The following CPA6 variants were observed in gnomAD, a reference collection of about 807,000 sequenced individuals.
The protein encoded by CPA6 is carboxypeptidase B.
A neutral mutation model predicts 63.3 loss-of-function variants in CPA6; 58 were observed. The observed-to-expected ratio is 0.92, with a 90% confidence interval of 0.74 to 1.14. CPA6 has a LOEUF of 1.14. CPA6 is among the 50% of genes most tolerant of loss of function. The probability of loss-of-function intolerance (pLI) is 0.00; values close to 1 mark genes in which losing one functional copy is unlikely to be tolerated. For synonymous variants in CPA6, 185 were observed against 179.0 expected (o/e 1.03, Z -0.27); for missense variants, 565 against 526.6 (o/e 1.07, Z -0.71).
At chr8:67,554,388 A>T (rs1813014025) in intron 2 of CPA6, among the ~76,000 whole-genome samples, 1 of 152,192 alleles carries the variant, frequency 6.6e-6, no homozygotes, top group African/African-American at 2.4e-5. Flanking sequence ...ACCAGGTTTC[A>T]TGAGAAGTCA....
chr8:67,731,942 A>G (rs542161837), intron 1 of CPA6, among the ~76,000 whole-genome samples: 1 of 152,288 alleles, frequency 6.6e-6, no homozygotes, highest in East Asian at 1.9e-4. Flanking sequence ...TAGAGGATAA[A>G]GCAGCAATGA....
intron 6 of CPA6, among the ~76,000 whole-genome samples, chr8:67,503,723 C>G (rs966560798): frequency 5.3e-5 from 8 of 151,914 alleles, no homozygotes; most frequent in Non-Finnish European, 2.9e-5. Flanking sequence ...TCTGTTAAGT[C>G]TTTTGCATGC....
At chr8:67,471,976 A>G (rs534470104) in intron 8 of CPA6, among the ~76,000 whole-genome samples, 1 of 152,342 alleles carries the variant, frequency 6.6e-6, no homozygotes, top group Non-Finnish European at 1.5e-5. Flanking sequence ...AAAAAATAGC[A>G]TGACTTCTCA....
intron 2 of CPA6, among the ~76,000 whole-genome samples, chr8:67,554,420 C>T (rs1342523393): frequency 7.9e-5 from 12 of 152,100 alleles, no homozygotes; most frequent in Non-Finnish European, 5.9e-5. Flanking sequence ...GAGGGCAGCA[C>T]CAAGAGGAAA....
chr8:67,483,666 A>G (rs1030094436), intron 8 of CPA6, 102 bp downstream of exon 8: 1 of 933,842 alleles, frequency 1.1e-6, no homozygotes, highest in Non-Finnish European at 1.8e-6. Context: ...TTTCACATAC[A>G]GAAAAACATG....
At chr8:67,662,383 A>G (rs1007775869) in intron 1 of CPA6, among the ~76,000 whole-genome samples, 1 of 118,436 alleles carries the variant, frequency 8.4e-6, no homozygotes, top group African/African-American at 4.0e-5. Context: ...CTAGAAAATG[A>G]GAAATGAGAC....
At chr8:67,693,682 G>A (rs763389403) in intron 1 of CPA6, among the ~76,000 whole-genome samples, 2 of 152,182 alleles carry the variant, frequency 1.3e-5, no homozygotes, top group Non-Finnish European at 2.9e-5. Context: ...TGCCACCTAT[G>A]AACAAGGAGG....
intron 1 of CPA6, among the ~76,000 whole-genome samples, chr8:67,669,380 T>C (rs188589101): frequency 2.9e-4 from 44 of 152,220 alleles, no homozygotes; most frequent in African/African-American, 9.6e-4. Flanking sequence ...GAGTAAGAGG[T>C]GAGTTTTAAA....
intron 2 of CPA6, among the ~76,000 whole-genome samples, chr8:67,580,810 C>T (rs985883848): frequency 7.9e-5 from 12 of 152,144 alleles, no homozygotes; most frequent in Admixed American, 6.5e-5. Flanking sequence ...TTAAAAAATA[C>T]CAAATGCATG....
intron 1 of CPA6, among the ~76,000 whole-genome samples, chr8:67,734,428 T>A (rs779628565): frequency 1.3e-4 from 19 of 150,740 alleles, no homozygotes; most frequent in Non-Finnish European, 2.1e-4. Context: ...ATTGAAGTAA[T>A]TTTTCTGTCA....
At chr8:67,687,677 G>C (rs1040724320) in intron 1 of CPA6, among the ~76,000 whole-genome samples, 2 of 152,072 alleles carry the variant, frequency 1.3e-5, no homozygotes, top group African/African-American at 2.4e-5. Flanking sequence ...GGTGGGTTTC[G>C]GGGTCAGCGA....
At chr8:67,557,013 G>C (rs765939317) in intron 2 of CPA6, among the ~76,000 whole-genome samples, 4 of 152,156 alleles carry the variant, frequency 2.6e-5, no homozygotes, top group Non-Finnish European at 5.9e-5. Context: ...ATAATAAAAA[G>C]GAGCTTTTAT....
chr8:67,469,860 T>C (rs887076157), intron 8 of CPA6, among the ~76,000 whole-genome samples: 2 of 152,010 alleles, frequency 1.3e-5, no homozygotes, highest in Non-Finnish European at 2.9e-5. Flanking sequence ...TTTCTCTCTC[T>C]TTTTTTCCCC....
intron 1 of CPA6, among the ~76,000 whole-genome samples, chr8:67,705,295 G>A (rs924619189): frequency 1.3e-5 from 2 of 152,142 alleles, no homozygotes; most frequent in African/African-American, 2.4e-5. Context: ...GGAGCTCTAC[G>A]CTCTGGCCAG....
intron 10 of CPA6, 78 bp downstream of exon 10, chr8:67,427,969 C>G: frequency 1.1e-6 from 1 of 936,230 alleles, no homozygotes. Flanking sequence ...CACACTTTCT[C>G]CCTTCTAAAA....
intron 2 of CPA6, among the ~76,000 whole-genome samples, chr8:67,593,714 C>T (rs1466233487): frequency 6.6e-6 from 1 of 150,510 alleles, no homozygotes; most frequent in Non-Finnish European, 1.5e-5. Context: ...CAACCCCTGC[C>T]TTTTTTTGTT....
chr8:67,649,877 A>C (rs547557524), intron 1 of CPA6, among the ~76,000 whole-genome samples: 19 of 152,304 alleles, frequency 1.2e-4, no homozygotes, highest in Admixed American at 2.0e-4. Flanking sequence ...AGGAAAGGGA[A>C]AGCGGCAAAG....
chr8:67,498,425 A>G (rs1479707939), intron 6 of CPA6, among the ~76,000 whole-genome samples: 1 of 150,688 alleles, frequency 6.6e-6, no homozygotes. Flanking sequence ...AATCCCAGCT[A>G]CTCAGGAGGC....
At chr8:67,438,041 C>T (rs767354560) in intron 8 of CPA6, among the ~76,000 whole-genome samples, 4 of 152,046 alleles carry the variant, frequency 2.6e-5, no homozygotes, top group African/African-American at 4.8e-5. Context: ...CTCAGCCTCC[C>T]GAGTACCTGA....
Sources: gnomAD v4.1 joint callset for allele counts (sites outside exome capture counted in the v4.1 genomes callset) on GRCh38, gnomAD v4.1.1 for gene constraint, MANE v1.5 for transcripts, NCBI Gene and HGNC (gene_info 2026-07-23, HGNC 2026-07-21) for gene names.